Variants in AGBL4 observed in about 807,000 individuals in gnomAD.
AGBL4 encodes the protein AGBL carboxypeptidase 4, also known as cytosolic carboxypeptidase 6.
In AGBL4, 58 loss-of-function variants were observed where a neutral mutation model predicts 66.4. The observed-to-expected ratio is 0.87, with a 90% CI of 0.71 to 1.09. AGBL4 has a LOEUF of 1.09. Ranked by LOEUF, AGBL4 falls within the 50% of genes least tolerant of loss-of-function variation. The pLI is 0.00. For synonymous variants in AGBL4, 234 were observed against 222.9 expected (o/e 1.05, Z -0.44); for missense variants, 579 against 631.0 (o/e 0.92, Z 0.88).
At chr1:48,644,811 A>G (rs1289358285) in intron 8 of AGBL4, among the ~76,000 whole-genome samples, 1 of 152,166 alleles carries the variant, frequency 6.6e-6, no homozygotes, top group East Asian at 1.9e-4. Flanking sequence ...GTCAATGGGG[A>G]GCCGCCGAAG....
intron 1 of AGBL4, among the ~76,000 whole-genome samples, chr1:49,907,502 T>C (rs532574812): frequency 1.8e-4 from 27 of 152,274 alleles, no homozygotes; most frequent in African/African-American, 6.3e-4. Flanking sequence ...TTAAATGCCC[T>C]TAGGTAGGAA....
At chr1:49,690,222 GT>G (rs1445965440) in intron 3 of AGBL4, among the ~76,000 whole-genome samples, 3 of 152,210 alleles carry the variant, frequency 2.0e-5, no homozygotes, top group Non-Finnish European at 4.4e-5. Flanking sequence ...GTGAGCATAA[GT>G]TTTATATGTA....
At chr1:49,283,805 G>A (rs910466707) in intron 3 of AGBL4, among the ~76,000 whole-genome samples, 4 of 146,696 alleles carry the variant, frequency 2.7e-5, no homozygotes, top group African/African-American at 1.0e-4. Context: ...GAAGCGAGAA[G>A]GGAAGTTTAG....
chr1:49,164,694 G>A (rs76284367), intron 4 of AGBL4, among the ~76,000 whole-genome samples: 1,646 of 152,220 alleles, frequency 0.011, 23 homozygotes, highest in African/African-American at 0.038. Flanking sequence ...ACCTTCCTGG[G>A]ATTTATTTTG....
intron 1 of AGBL4, among the ~76,000 whole-genome samples, chr1:50,017,777 T>C (rs1006108011): frequency 6.6e-6 from 1 of 152,138 alleles, no homozygotes; most frequent in East Asian, 1.9e-4. Context: ...AACCACCTGT[T>C]GGATACTATG....
chr1:49,190,741 G>A (rs1450131410), intron 4 of AGBL4, among the ~76,000 whole-genome samples: 1 of 152,214 alleles, frequency 6.6e-6, no homozygotes, highest in East Asian at 1.9e-4. Context: ...AAAGTTCTTA[G>A]AATTGTACAG....
chr1:49,767,461 G>A (rs1178653091), intron 2 of AGBL4, among the ~76,000 whole-genome samples: 2 of 152,012 alleles, frequency 1.3e-5, no homozygotes, highest in Non-Finnish European at 2.9e-5. Flanking sequence ...TGAAAGCAGT[G>A]TTAAGAGGAA....
chr1:49,954,890 C>T (rs192543012), intron 1 of AGBL4, among the ~76,000 whole-genome samples: 18 of 151,902 alleles, frequency 1.2e-4, no homozygotes, highest in Non-Finnish European at 1.5e-5. Flanking sequence ...TACTACATGC[C>T]CTACCTCTGC....
chr1:49,604,102 A>C (rs1645019979), intron 3 of AGBL4, among the ~76,000 whole-genome samples: 1 of 152,128 alleles, frequency 6.6e-6, no homozygotes. Flanking sequence ...CAGTAGTGGA[A>C]TTTCTGGATC....
At chr1:48,902,417 T>C (rs537313521) in intron 5 of AGBL4, among the ~76,000 whole-genome samples, 13 of 152,136 alleles carry the variant, frequency 8.5e-5, no homozygotes, top group Non-Finnish European at 1.6e-4. Flanking sequence ...AGGAGTCTGA[T>C]GTTGATAATC....
At chr1:48,810,765 T>G (rs1646030550) in intron 6 of AGBL4, among the ~76,000 whole-genome samples, 1 of 152,250 alleles carries the variant, frequency 6.6e-6, no homozygotes, top group African/African-American at 2.4e-5. Flanking sequence ...CTATACTGAC[T>G]AGCACAAAGG....
chr1:49,491,787 T>A (rs1647189017), intron 3 of AGBL4, among the ~76,000 whole-genome samples: 1 of 151,926 alleles, frequency 6.6e-6, no homozygotes, highest in Non-Finnish European at 1.5e-5. Context: ...TCAAAGCTCA[T>A]GTTCTTTCCA....
intron 1 of AGBL4, among the ~76,000 whole-genome samples, chr1:50,022,633 C>G (rs1662533844): frequency 6.6e-6 from 1 of 151,116 alleles, no homozygotes; most frequent in Admixed American, 6.6e-5. Context: ...CACACACACA[C>G]ACACACACAC....
rs543583154 is a variant in AGBL4 at position 48,825,549 on chromosome 1, TATG to T, written c.634+41639_634+41641del. Among the ~76,000 whole-genome samples, 303 of 152,314 alleles carry T rather than the reference TATG, an allele frequency of 2.0e-3. 3 individuals are homozygous for T. Among genetic ancestry groups the T allele is most frequent in the African/African-American group, 7.0e-3 (290 of 41,560 alleles). ...ATGTAAGCAGAGACTATTGATATTT[TATG>T]ATGTTTTCTATTGTATTCCCAGTGC... On this transcript the variant is annotated intron_variant, in intron 6 of 13. Transcript: ENST00000371839.
intron 1 of AGBL4, among the ~76,000 whole-genome samples, chr1:49,885,995 C>T (rs1363745626): frequency 1.3e-5 from 2 of 152,106 alleles, no homozygotes; most frequent in South Asian, 4.1e-4. Context: ...CTATTTTCAT[C>T]GCACAGTTGT....
intron 1 of AGBL4, among the ~76,000 whole-genome samples, chr1:50,013,300 T>C (rs538275906): frequency 1.3e-5 from 2 of 152,274 alleles, no homozygotes; most frequent in African/African-American, 2.4e-5. Flanking sequence ...CCTCAAAATA[T>C]AGGGGAAAGT....
intron 1 of AGBL4, among the ~76,000 whole-genome samples, chr1:49,877,896 A>C (rs1381606300): frequency 6.6e-6 from 1 of 152,068 alleles, no homozygotes; most frequent in Non-Finnish European, 1.5e-5. Context: ...GGGAGAGTGT[A>C]TGTGTCTACG....
At chr1:49,617,538 ATGTTCTT>A (rs1190381599) in intron 3 of AGBL4, among the ~76,000 whole-genome samples, 1 of 152,196 alleles carries the variant, frequency 6.6e-6, no homozygotes, top group Non-Finnish European at 1.5e-5. Flanking sequence ...TCTAAAGTTT[ATGTTCTT>A]ACAACAACAA....
chr1:49,877,227 G>T (rs1454529731), intron 1 of AGBL4, among the ~76,000 whole-genome samples: 1 of 151,150 alleles, frequency 6.6e-6, no homozygotes, highest in African/African-American at 2.5e-5. Flanking sequence ...GGGCATCCCT[G>T]TCTTGTGCCG....
Sources: allele counts gnomAD v4.1 joint callset (sites outside exome capture counted in the v4.1 genomes callset), GRCh38; gene constraint gnomAD v4.1.1; transcripts MANE v1.5; gene names NCBI Gene and HGNC (gene_info 2026-07-23, HGNC 2026-07-21).